BRINP1: variants seen among roughly 807,000 people sequenced by gnomAD.
BRINP1 encodes BMP/retinoic acid-inducible neural-specific protein 1.
A neutral mutation model predicts 72.9 loss-of-function variants in BRINP1; 17 were observed. The ratio of observed to expected loss-of-function variants is 0.23; its 90% CI spans 0.16 to 0.35. The LOEUF is 0.35. Ranked by LOEUF, BRINP1 falls within the 10% of genes least tolerant of loss-of-function variation. The pLI, the probability that BRINP1 is intolerant of heterozygous loss-of-function variation, is 1.00. For synonymous variants in BRINP1, 418 were observed against 378.5 expected (o/e 1.10, Z -1.21); for missense variants, 850 against 1,001.6 (o/e 0.85, Z 2.04).
intron 2 of BRINP1, among the ~76,000 whole-genome samples, chr9:119,273,008 A>C (rs1830623188): frequency 6.6e-6 from 1 of 152,214 alleles, no homozygotes; most frequent in Non-Finnish European, 1.5e-5. Context: ...ACAAGTGCTG[A>C]AATCAGGCCA....
chr9:119,254,490 G>A (rs1287461970), intron 2 of BRINP1, among the ~76,000 whole-genome samples: 2 of 152,172 alleles, frequency 1.3e-5, no homozygotes, highest in Non-Finnish European at 2.9e-5. Flanking sequence ...ACACATTTGG[G>A]AAACATCAAA....
intron 7 of BRINP1, among the ~76,000 whole-genome samples, chr9:119,191,115 C>G (rs1004905768): frequency 6.6e-6 from 1 of 151,762 alleles, no homozygotes; most frequent in African/African-American, 2.4e-5. Flanking sequence ...ATAAATTTAG[C>G]TATAGAATAA....
In BRINP1 at chr9:119,313,320, C is replaced by T. The variant is rs1342139700; in HGVS notation, c.36G>A (p.Leu12=). ...NWRFVELLYF[L]FIWGRISVQP... is the part of the protein sequence containing the mutation. The stretch of plus-strand genomic sequence containing the variant: ...GCACTGAGATACGGCCCCATATAAA[C>T]AGGAAGTAGAGGAGCTCAACAAACC... Residue 12 remains leucine (L), a synonymous_variant, in exon 2 of 8, where the codon CTG becomes CTA. Coordinates refer to ENST00000265922, the MANE Select transcript of BRINP1 (RefSeq NM_014618.3). 4.3e-6 allele frequency: 7 copies of T among 1,613,864 alleles called. No homozygotes were observed. The highest frequency in any genetic ancestry group is 5.9e-6 in the Non-Finnish European group (7 of 1,180,014).
intron 2 of BRINP1, among the ~76,000 whole-genome samples, chr9:119,293,375 C>T (rs1472062584): frequency 2.6e-5 from 4 of 151,658 alleles, no homozygotes; most frequent in African/African-American, 9.7e-5. Context: ...AAGGATTATC[C>T]TTACGCATGA....
chr9:119,179,919 G>T (rs1829533657), intron 7 of BRINP1, among the ~76,000 whole-genome samples: 1 of 152,210 alleles, frequency 6.6e-6, no homozygotes, highest in South Asian at 2.1e-4. Context: ...AGGTCTCCTG[G>T]TGACACAGCA....
At chr9:119,332,096 A>T (rs1490403163) in intron 1 of BRINP1, among the ~76,000 whole-genome samples, 1 of 151,840 alleles carries the variant, frequency 6.6e-6, no homozygotes, top group Non-Finnish European at 1.5e-5. Flanking sequence ...TTACCTTCAA[A>T]CTCTGAATAA....
At chr9:119,251,568 C>T (rs1830387928) in intron 2 of BRINP1, among the ~76,000 whole-genome samples, 1 of 152,014 alleles carries the variant, frequency 6.6e-6, no homozygotes, top group East Asian at 1.9e-4. Flanking sequence ...CATAGTGAGA[C>T]CTTGTCTCTA....
chr9:119,295,336 T>C (rs190061129), intron 2 of BRINP1, among the ~76,000 whole-genome samples: 55 of 152,154 alleles, frequency 3.6e-4, no homozygotes, highest in African/African-American at 1.1e-3. Flanking sequence ...GAGAAATACA[T>C]CAGTAGATGA....
intron 7 of BRINP1, among the ~76,000 whole-genome samples, chr9:119,169,840 C>T (rs1371713794): frequency 6.6e-6 from 1 of 152,186 alleles, no homozygotes; most frequent in Non-Finnish European, 1.5e-5. Context: ...CCTGAGCAGC[C>T]TAACTGGGAG....
At chr9:119,212,993 T>C (rs893761557) in intron 6 of BRINP1, among the ~76,000 whole-genome samples, 1 of 152,076 alleles carries the variant, frequency 6.6e-6, no homozygotes, top group Admixed American at 6.5e-5. Context: ...TATGTTGGCA[T>C]ATCTGCACAT....
intron 2 of BRINP1, among the ~76,000 whole-genome samples, chr9:119,295,302 T>TGAAA (rs1204308682): frequency 1.3e-5 from 2 of 152,138 alleles, no homozygotes; most frequent in Non-Finnish European, 2.9e-5. Flanking sequence ...CCTCAGACTC[T>TGAAA]GAAAGTGGAC....
chr9:119,197,122 G>T (rs1048764963), intron 7 of BRINP1, among the ~76,000 whole-genome samples: 3 of 152,174 alleles, frequency 2.0e-5, no homozygotes, highest in African/African-American at 7.2e-5. Context: ...TGCAAATATG[G>T]CAAGTGCTAG....
chr9:119,292,412 C>T (rs1830829558), intron 2 of BRINP1, among the ~76,000 whole-genome samples: 1 of 152,168 alleles, frequency 6.6e-6, no homozygotes, highest in Admixed American at 6.5e-5. Flanking sequence ...ACTTGTCTGT[C>T]ACTAACACCA....
intron 2 of BRINP1, among the ~76,000 whole-genome samples, chr9:119,250,462 C>A (rs1830375363): frequency 6.6e-6 from 1 of 152,224 alleles, no homozygotes; most frequent in African/African-American, 2.4e-5. Context: ...TGTCCCCTCT[C>A]TAGACCTACA....
chr9:119,275,921 C>A (rs954440504), intron 2 of BRINP1, among the ~76,000 whole-genome samples: 1 of 152,172 alleles, frequency 6.6e-6, no homozygotes, highest in Non-Finnish European at 1.5e-5. Flanking sequence ...CTGTCCTCCC[C>A]ATCTGATCAC....
chr9:119,328,214 AG>A (rs1831258992), intron 1 of BRINP1, among the ~76,000 whole-genome samples: 1 of 152,206 alleles, frequency 6.6e-6, no homozygotes, highest in South Asian at 2.1e-4. Context: ...AAGGCTACAG[AG>A]TGCTAGAACA....
At chr9:119,342,720 C>A (rs1831417169) in intron 1 of BRINP1, among the ~76,000 whole-genome samples, 1 of 152,168 alleles carries the variant, frequency 6.6e-6, no homozygotes, top group Non-Finnish European at 1.5e-5. Flanking sequence ...AACTCAATGG[C>A]ATTTGTGATG....
At chr9:119,350,209 A>C (rs1365270034) in intron 1 of BRINP1, among the ~76,000 whole-genome samples, 1 of 152,202 alleles carries the variant, frequency 6.6e-6, no homozygotes, top group Non-Finnish European at 1.5e-5. Context: ...GAAGGCTGCC[A>C]GAGCAGAGGA....
intron 1 of BRINP1, among the ~76,000 whole-genome samples, chr9:119,332,770 G>C (rs2119013851): frequency 6.6e-6 from 1 of 152,310 alleles, no homozygotes; most frequent in African/African-American, 2.4e-5. Context: ...GCCCAGCCTA[G>C]ATCAGTGAGC....
Sources: allele counts gnomAD v4.1 joint callset (sites outside exome capture counted in the v4.1 genomes callset), GRCh38; gene constraint gnomAD v4.1.1; transcripts MANE v1.5; gene names NCBI Gene and HGNC (gene_info 2026-07-23, HGNC 2026-07-21).